TSPAN9: variants seen among roughly 807,000 people sequenced by gnomAD.
TSPAN9 encodes tetraspanin 9, also known as tetraspanin-9.
TSPAN9 carries 16 observed loss-of-function variants against 31.0 expected under a neutral mutation model. That is an observed-to-expected ratio of 0.52 (90% CI 0.35 to 0.78). The LOEUF (loss-of-function observed/expected upper bound fraction) is 0.78, where lower values mean the gene tolerates loss of function less well. Ranked by LOEUF, TSPAN9 falls within the 30% of genes least tolerant of loss-of-function variation. TSPAN9 has a pLI of 0.01. For missense variants in TSPAN9, 272 were observed against 312.5 expected (o/e 0.87, Z 0.98); for synonymous variants, 145 against 121.6 (o/e 1.19, Z -1.27).
At chr12:3,160,693 C>G (rs2098344616) in intron 2 of TSPAN9, among the ~76,000 whole-genome samples, 1 of 152,142 alleles carries the variant, frequency 6.6e-6, no homozygotes, top group Non-Finnish European at 1.5e-5. Flanking sequence ...TTGCATTTCC[C>G]TAGTGATGAA....
Position 3,283,220 on chromosome 12 carries a change from C to T in TSPAN9, c.*104C>T, listed in dbSNP as rs1286727017. The T allele has an allele frequency of 9.0e-6, 11 of 1,215,834 alleles. No individual in the cohort carries two copies. The Admixed American group carries it at 1.0e-4, about 11-fold the overall frequency. The allele number at this position is 1,215,834 out of a possible 1,614,324, so 75.3% of individuals were successfully genotyped here. On this transcript the variant is annotated 3_prime_UTR_variant, in exon 9 of 9. Transcript: ENST00000011898. ...GCTCTCCAGATATGACCCCTGCACC[C>T]ACCCCCCACAGCCTGCCCTACCCCA...
rs546156658 is a variant in TSPAN9 at position 3,081,035 on chromosome 12, C to A, written c.-84-2618C>A. ...TTGGGACTTGGGCGGATGCCTTCAC[C>A]TCCTTTAGTCTCAGCTCCTTGCTTG... On this transcript the variant is annotated intron_variant, in intron 1 of 8. Transcript: ENST00000011898. Among the ~76,000 whole-genome samples the A allele has an allele frequency of 5.9e-5, 9 of 152,282 alleles. 1 individual carries two copies. In the South Asian group the frequency reaches 1.7e-3, roughly 28 times the overall value.
intron 2 of TSPAN9, among the ~76,000 whole-genome samples, chr12:3,126,230 G>C (rs1159780524): frequency 6.6e-6 from 1 of 152,216 alleles, no homozygotes; most frequent in African/African-American, 2.4e-5. Context: ...TAACTATACA[G>C]TCACGTGTTG....
rs1403250111 is a variant in TSPAN9, at chr12:3,282,208, C to T, written c.648+391C>T. On this transcript the variant is annotated intron_variant, in intron 8 of 8. Coordinates refer to ENST00000011898, the MANE Select transcript of TSPAN9 (RefSeq NM_006675.5). ...TCTCTGTGGTGACCGTGAGACCACA[C>T]CGGGCTTCCTTCTGCCTCCTGCACT... 1.4e-5 allele frequency: 8 copies of T among 583,042 alleles called. No homozygotes were observed. The East Asian group carries it at 2.3e-4, about 16-fold the overall frequency. The allele number at this position is 583,042 out of a possible 1,614,324, so 36.1% of individuals were successfully genotyped here.
In TSPAN9 at chr12:3,281,301, G is replaced by A. The variant is rs200243091; in HGVS notation, c.536G>A (p.Arg179His). The A allele has an allele frequency of 6.4e-5, 100 of 1,550,654 alleles. No individual in the cohort carries two copies. In the East Asian group the frequency reaches 1.6e-3, roughly 24 times the overall value. The stretch of plus-strand genomic sequence containing the variant: ...ATGGAGAACTCCCAGGGCTGCGGGC[G>A]CAACGCCACCACGCCTTTGTGGAGA... ...CCMENSQGCGRNATTPLWRTG... is the reference protein window; with the variant it reads ...CCMENSQGCGHNATTPLWRTG... Residue 179 changes from arginine (R) to histidine (H), a missense_variant, in exon 7 of 9, where the codon CGC becomes CAC. Physicochemically the swap from Arg to His is conservative, Grantham distance 29. Coordinates refer to ENST00000011898, the MANE Select transcript of TSPAN9 (RefSeq NM_006675.5).
At chr12:3,186,112 G>A (rs1001355223) in intron 2 of TSPAN9, among the ~76,000 whole-genome samples, 1 of 152,178 alleles carries the variant, frequency 6.6e-6, no homozygotes, top group Non-Finnish European at 1.5e-5. Context: ...CAGGTATCCT[G>A]AGTCTCAGCT....
intron 3 of TSPAN9, among the ~76,000 whole-genome samples, chr12:3,232,148 A>G (rs891354429): frequency 2.6e-5 from 4 of 152,134 alleles, no homozygotes; most frequent in Non-Finnish European, 4.4e-5. Context: ...GTGGGCATAG[A>G]ATTCCCAGCT....
At chr12:3,165,573 CG>C (rs2153969800) in intron 2 of TSPAN9, among the ~76,000 whole-genome samples, 1 of 152,262 alleles carries the variant, frequency 6.6e-6, no homozygotes, top group African/African-American at 2.4e-5. Flanking sequence ...GCGAGGGTCA[CG>C]GAGTGTTTCT....
At chr12:3,244,511 C>T (rs545022543) in intron 3 of TSPAN9, among the ~76,000 whole-genome samples, 61 of 152,354 alleles carry the variant, frequency 4.0e-4, no homozygotes, top group African/African-American at 1.4e-3. Flanking sequence ...GCAGAGGCAG[C>T]TGGTGACGTG....
chr12:3,133,894 T>G (rs1304660272), intron 2 of TSPAN9, among the ~76,000 whole-genome samples: 3 of 152,166 alleles, frequency 2.0e-5, no homozygotes, highest in African/African-American at 7.2e-5. Flanking sequence ...CAGGCGCAGT[T>G]TCTAGCTTGA....
intron 3 of TSPAN9, among the ~76,000 whole-genome samples, chr12:3,266,138 C>T (rs1862531717): frequency 6.6e-6 from 1 of 152,170 alleles, no homozygotes; most frequent in Non-Finnish European, 1.5e-5. Context: ...TCACAGCTAG[C>T]CTTCCTTTCT....
At chr12:3,123,115 G>T (rs1475999099) in intron 2 of TSPAN9, among the ~76,000 whole-genome samples, 1 of 152,162 alleles carries the variant, frequency 6.6e-6, no homozygotes, top group Non-Finnish European at 1.5e-5. Flanking sequence ...GTTTCCTCCT[G>T]ATAGAGTGGC....
chr12:3,121,439 A>T (rs1231205643), intron 2 of TSPAN9, among the ~76,000 whole-genome samples: 1 of 143,110 alleles, frequency 7.0e-6, no homozygotes, highest in East Asian at 2.0e-4. Context: ...AGCTCATTAC[A>T]GCCTCGACCT....
chr12:3,213,700 G>A (rs1009391018), intron 3 of TSPAN9, among the ~76,000 whole-genome samples: 2 of 152,108 alleles, frequency 1.3e-5, no homozygotes, highest in Non-Finnish European at 2.9e-5. Context: ...TCTGAAAAGT[G>A]CATATTTCAC....
chr12:3,220,733 C>G (rs970019484), intron 3 of TSPAN9, among the ~76,000 whole-genome samples: 1 of 151,724 alleles, frequency 6.6e-6, no homozygotes, highest in Non-Finnish European at 1.5e-5. Flanking sequence ...TAATATGAGA[C>G]CTGTTTCCTG....
At chr12:3,160,589 C>T (rs2098344548) in intron 2 of TSPAN9, among the ~76,000 whole-genome samples, 1 of 152,194 alleles carries the variant, frequency 6.6e-6, no homozygotes, top group South Asian at 2.1e-4. Flanking sequence ...AGACTCTTTT[C>T]CAATTTCTCC....
intron 3 of TSPAN9, among the ~76,000 whole-genome samples, chr12:3,268,453 C>T (rs926227497): frequency 6.8e-6 from 1 of 146,406 alleles, no homozygotes; most frequent in African/African-American, 2.5e-5. Flanking sequence ...TGCGTTCCTG[C>T]AGCCTGCCCT....
chr12:3,218,145 C>T (rs2098382333), intron 3 of TSPAN9, among the ~76,000 whole-genome samples: 1 of 151,976 alleles, frequency 6.6e-6, no homozygotes, highest in African/African-American at 2.4e-5. Flanking sequence ...TGTGCTCAGC[C>T]CCCATTTTTT....
At chr12:3,080,578 C>T (rs1374614332) in intron 1 of TSPAN9, among the ~76,000 whole-genome samples, 1 of 152,172 alleles carries the variant, frequency 6.6e-6, no homozygotes, top group Non-Finnish European at 1.5e-5. Flanking sequence ...CCTCATGATC[C>T]ACCCTCCTCG....
Sources: allele counts gnomAD v4.1 joint callset (sites outside exome capture counted in the v4.1 genomes callset), GRCh38; gene constraint gnomAD v4.1.1; transcripts MANE v1.5; gene names NCBI Gene and HGNC (gene_info 2026-07-23, HGNC 2026-07-21).